Variants in PARD3 observed in about 807,000 individuals in gnomAD.
The protein encoded by PARD3 is par-3 family cell polarity regulator.
A neutral mutation model predicts 155.4 loss-of-function variants in PARD3; 75 were observed. That is an observed-to-expected ratio of 0.48 (90% CI 0.40 to 0.58). PARD3 has a LOEUF of 0.58. Among genes scored for constraint, PARD3 ranks in the 20% least tolerant of loss-of-function variants. PARD3 has a pLI of 0.00. For missense variants in PARD3, 1,642 were observed against 1,721.7 expected (o/e 0.95, Z 0.82); for synonymous variants, 576 against 610.5 (o/e 0.94, Z 0.83).
chr10:34,526,389 G>A (rs970518706), intron 2 of PARD3, among the ~76,000 whole-genome samples: 2 of 152,104 alleles, frequency 1.3e-5, no homozygotes, highest in African/African-American at 4.8e-5. Context: ...ATAGTCCCAG[G>A]GCATGAAAAG....
chr10:34,289,862 C>A (rs532155350), intron 20 of PARD3, among the ~76,000 whole-genome samples: 18 of 152,258 alleles, frequency 1.2e-4, no homozygotes, highest in African/African-American at 4.3e-4. Flanking sequence ...CCATTACAGT[C>A]AACAATGATG....
At chr10:34,513,572 C>A (rs1316759822) in intron 3 of PARD3, among the ~76,000 whole-genome samples, 3 of 152,206 alleles carry the variant, frequency 2.0e-5, no homozygotes, top group African/African-American at 7.2e-5. Context: ...TGAGCCACCG[C>A]ACCCAGCCTG....
chr10:34,228,422 A>G (rs1952739449), intron 22 of PARD3, among the ~76,000 whole-genome samples: 1 of 152,124 alleles, frequency 6.6e-6, no homozygotes, highest in Non-Finnish European at 1.5e-5. Flanking sequence ...AGAAAAATAA[A>G]AAAGAATCTA....
At chr10:34,383,039 A>G (rs1842011527) in intron 8 of PARD3, 117 bp from the exon 9 acceptor site, 4 of 1,100,876 alleles carry the variant, frequency 3.6e-6, no homozygotes, top group African/African-American at 1.6e-5. Flanking sequence ...TTGAAATTGA[A>G]AAGCAAAATT....
intron 2 of PARD3, among the ~76,000 whole-genome samples, chr10:34,565,077 A>T (rs7920278): frequency 0.054 from 8,246 of 151,612 alleles, 676 homozygotes; most frequent in African/African-American, 0.18. Context: ...AATACTGTCT[A>T]TAAAATGAAT....
intron 2 of PARD3, among the ~76,000 whole-genome samples, chr10:34,689,421 TTAATC>T (rs1265018284): frequency 5.3e-5 from 8 of 152,214 alleles, no homozygotes; most frequent in Admixed American, 2.0e-4. Flanking sequence ...AATGGGCACT[TTAATC>T]TAGGAATGTC....
chr10:34,656,548 C>T (rs891393701), intron 2 of PARD3, among the ~76,000 whole-genome samples: 1 of 152,188 alleles, frequency 6.6e-6, no homozygotes, highest in African/African-American at 2.4e-5. Context: ...CCTTAATCAT[C>T]ATTCAATACA....
At chr10:34,135,100 T>C (rs1947821100) in intron 22 of PARD3, among the ~76,000 whole-genome samples, 1 of 152,144 alleles carries the variant, frequency 6.6e-6, no homozygotes. Context: ...GTTGATCAGA[T>C]GGGTGAGACA....
chr10:34,503,825 T>G (rs1309050716), intron 3 of PARD3, among the ~76,000 whole-genome samples: 4 of 152,198 alleles, frequency 2.6e-5, no homozygotes, highest in Non-Finnish European at 5.9e-5. Flanking sequence ...GAATACACAG[T>G]GTGCCAGTAC....
intron 12 of PARD3, among the ~76,000 whole-genome samples, chr10:34,367,434 A>G (rs1230614990): frequency 6.6e-6 from 1 of 152,222 alleles, no homozygotes; most frequent in African/African-American, 2.4e-5. Flanking sequence ...GGCCAGGCGC[A>G]GTGGCTCACG....
intron 3 of PARD3, among the ~76,000 whole-genome samples, chr10:34,506,040 C>A (rs1008180613): frequency 6.6e-6 from 1 of 152,068 alleles, no homozygotes; most frequent in Non-Finnish European, 1.5e-5. Context: ...GCAGGAGAAT[C>A]ACTTGAACCC....
intron 8 of PARD3, 118 bp from the exon 9 acceptor site, chr10:34,383,040 A>G: frequency 9.1e-7 from 1 of 1,096,354 alleles, no homozygotes; most frequent in Admixed American, 2.4e-5. Context: ...TGAAATTGAA[A>G]AGCAAAATTC....
At chr10:34,119,524 C>T in intron 24 of PARD3, 89 bp downstream of exon 24, 1 of 1,333,080 alleles carries the variant, frequency 7.5e-7, no homozygotes, top group Non-Finnish European at 1.0e-6. Flanking sequence ...TGGAGAGGCC[C>T]CAGTGACTTG....
intron 20 of PARD3, among the ~76,000 whole-genome samples, chr10:34,316,671 G>A (rs1958025338): frequency 6.6e-6 from 1 of 152,098 alleles, no homozygotes; most frequent in South Asian, 2.1e-4. Flanking sequence ...TTGTCTCAAT[G>A]GGGCTTTCAC....
chr10:34,315,839 C>A (rs960010406), intron 20 of PARD3, among the ~76,000 whole-genome samples: 1 of 152,178 alleles, frequency 6.6e-6, no homozygotes, highest in East Asian at 1.9e-4. Context: ...AGTTCTGAAG[C>A]ACTGAGAGAC....
chr10:34,187,056 C>A (rs1025653870), intron 22 of PARD3, among the ~76,000 whole-genome samples: 1 of 152,200 alleles, frequency 6.6e-6, no homozygotes, highest in African/African-American at 2.4e-5. Context: ...GGAGCCCCAG[C>A]ACTGGCCCAG....
intron 5 of PARD3, among the ~76,000 whole-genome samples, chr10:34,409,580 TACC>T (rs1332947409): frequency 6.6e-6 from 1 of 152,206 alleles, no homozygotes; most frequent in East Asian, 1.9e-4. Flanking sequence ...CTCAAGCAGA[TACC>T]ACCATGCCAG....
At chr10:34,501,615 C>G (rs74132032) in intron 3 of PARD3, among the ~76,000 whole-genome samples, 4,690 of 152,162 alleles carry the variant, frequency 0.031, 241 homozygotes, top group African/African-American at 0.11. Context: ...GTCAGATGCT[C>G]ATTTCATATT....
intron 1 of PARD3, among the ~76,000 whole-genome samples, chr10:34,778,384 T>C (rs943272074): frequency 3.9e-5 from 6 of 152,232 alleles, no homozygotes; most frequent in African/African-American, 1.4e-4. Context: ...GCAATTTCAC[T>C]GTGCTGCCTT....
Sources: allele counts gnomAD v4.1 joint callset (sites outside exome capture counted in the v4.1 genomes callset), GRCh38; gene constraint gnomAD v4.1.1; transcripts MANE v1.5; gene names NCBI Gene and HGNC (gene_info 2026-07-23, HGNC 2026-07-21).